MACROD2: variants seen among roughly 807,000 people sequenced by gnomAD.
MACROD2 encodes the protein ADP-ribose glycohydrolase MACROD2.
Under a neutral mutation model 70.4 loss-of-function variants are expected in MACROD2, and 36 were observed. The observed-to-expected ratio is 0.51, with a 90% CI of 0.39 to 0.68. The LOEUF (loss-of-function observed/expected upper bound fraction) is 0.68. Ranked by LOEUF, MACROD2 falls within the 30% of genes least tolerant of loss-of-function variation. The pLI is 0.00. For synonymous variants in MACROD2, 172 were observed against 178.8 expected (o/e 0.96, Z 0.30); for missense variants, 496 against 538.4 (o/e 0.92, Z 0.78).
intron 3 of MACROD2, among the ~76,000 whole-genome samples, chr20:14,397,059 A>G (rs917981307): frequency 4.1e-5 from 6 of 144,852 alleles, no homozygotes; most frequent in Admixed American, 7.0e-5. Context: ...CAGTGGCGCA[A>G]TCTCGGCTCA....
intron 5 of MACROD2, among the ~76,000 whole-genome samples, chr20:14,786,019 A>G (rs1308262068): frequency 6.6e-6 from 1 of 152,126 alleles, no homozygotes; most frequent in Non-Finnish European, 1.5e-5. Flanking sequence ...AATGCATATT[A>G]TAAAAAGAAG....
chr20:15,190,442 G>A (rs936125451), intron 5 of MACROD2, among the ~76,000 whole-genome samples: 25 of 152,250 alleles, frequency 1.6e-4, no homozygotes, highest in African/African-American at 5.8e-4. Context: ...CTCCTCTGTA[G>A]AATTACCTCT....
At chr20:15,599,744 C>G (rs1019442548) in intron 8 of MACROD2, among the ~76,000 whole-genome samples, 1 of 152,176 alleles carries the variant, frequency 6.6e-6, no homozygotes, top group Non-Finnish European at 1.5e-5. Context: ...AGTTTACACA[C>G]AGAAACACGC....
In MACROD2 at chr20:14,947,570, C is replaced by G. The variant is rs971222601; in HGVS notation, c.418+262611C>G. Among the ~76,000 whole-genome samples, 10 of 152,146 alleles carry G rather than the reference C, an allele frequency of 6.6e-5. 1 individual carries two copies. Among genetic ancestry groups the G allele is most frequent in the Admixed American group, 5.2e-4 (8 of 15,272 alleles). ...TGGTGCTAAGGCATTTGTGCTAAGA[C>G]AGTGGGGCTCAAATTTGAGTGTGCA... is the stretch of plus-strand genomic sequence containing the variant. On this transcript the variant is annotated intron_variant, in intron 5 of 17. Coordinates refer to ENST00000684519, the MANE Select transcript of MACROD2 (RefSeq NM_001351661.2).
intron 8 of MACROD2, among the ~76,000 whole-genome samples, chr20:15,545,980 C>T (rs768824456): frequency 2.0e-5 from 3 of 152,166 alleles, no homozygotes; most frequent in Non-Finnish European, 4.4e-5. Flanking sequence ...GACAGCTGGG[C>T]ACGATGGCTC....
chr20:15,582,070 C>T (rs1600626710), intron 8 of MACROD2, among the ~76,000 whole-genome samples: 2 of 151,244 alleles, frequency 1.3e-5, no homozygotes, highest in East Asian at 1.9e-4. Flanking sequence ...TGCACTGAGC[C>T]GAGATCATGC....
chr20:14,533,362 C>A (rs1222008298), intron 4 of MACROD2, among the ~76,000 whole-genome samples: 1 of 152,162 alleles, frequency 6.6e-6, no homozygotes, highest in Non-Finnish European at 1.5e-5. Flanking sequence ...TATCTTTAAA[C>A]CTCAGTTAGT....
At chr20:14,399,883 T>C (rs2083619424) in intron 3 of MACROD2, among the ~76,000 whole-genome samples, 1 of 152,204 alleles carries the variant, frequency 6.6e-6, no homozygotes, top group Non-Finnish European at 1.5e-5. Context: ...TCTTTAAATG[T>C]CATATATTGT....
intron 6 of MACROD2, among the ~76,000 whole-genome samples, chr20:15,267,468 C>T (rs1269066847): frequency 2.0e-5 from 3 of 152,088 alleles, no homozygotes; most frequent in Non-Finnish European, 4.4e-5. Context: ...GATAGGAGCT[C>T]AAAACCTTTG....
rs542375931 is a variant in MACROD2, at chr20:14,346,460, C to T, written c.272-147019C>T. 7.9e-5 allele frequency among the ~76,000 whole-genome samples: 12 copies of T among 152,266 alleles called. No individual in the cohort carries two copies. The South Asian group carries it at 2.5e-3, about 32-fold the overall frequency. On this transcript the variant is annotated intron_variant, in intron 3 of 17. Transcript: ENST00000684519. ...CTGAACAAAGAACAGATATTACCAT[C>T]TCCATTCTAATATAGCTGATTTCTA...
intron 5 of MACROD2, among the ~76,000 whole-genome samples, chr20:14,896,887 C>A (rs912392370): frequency 6.6e-6 from 1 of 151,988 alleles, no homozygotes; most frequent in East Asian, 1.9e-4. Flanking sequence ...CTACAGTAAC[C>A]AGGTAATTAT....
At position 15,000,496 on chromosome 20, in the gene MACROD2, G is replaced by A. The variant is rs563037618; in HGVS notation, c.419-229444G>A. On this transcript the variant is annotated intron_variant, in intron 5 of 17. Transcript: ENST00000684519. ...AAATTAGCCGGGCGCGGTGGCGGGC[G>A]CCTGTAGTCCCAGCTACTGGGGAGG... Among the ~76,000 whole-genome samples, 14 of 144,542 alleles carry A rather than the reference G, an allele frequency of 9.7e-5. 1 individual carries two copies. Among genetic ancestry groups the A allele is most frequent in the East Asian group, 2.0e-4 (1 of 5,116 alleles). The allele number at this position is 144,542 out of a possible 152,430, so 94.8% of individuals were successfully genotyped here. A position where few individuals can be genotyped will look rare whatever the true frequency, so the allele number is the denominator to read the frequency against.
At chr20:14,860,121 A>T (rs1008585046) in intron 5 of MACROD2, among the ~76,000 whole-genome samples, 4 of 152,182 alleles carry the variant, frequency 2.6e-5, no homozygotes, top group African/African-American at 9.7e-5. Flanking sequence ...TCATAGCAGG[A>T]GGGAGACCAT....
At chr20:14,922,772 A>G (rs2074179371) in intron 5 of MACROD2, among the ~76,000 whole-genome samples, 1 of 152,180 alleles carries the variant, frequency 6.6e-6, no homozygotes, top group Admixed American at 6.5e-5. Flanking sequence ...AAATCACTGA[A>G]CTACATATCT....
rs532255964 is a variant in MACROD2, at chr20:15,226,240, C to A, written c.419-3700C>A. Among the ~76,000 whole-genome samples the A allele has an allele frequency of 1.1e-4, 16 of 152,252 alleles. No homozygotes were observed. The South Asian group carries it at 3.3e-3, about 32-fold the overall frequency. ...TTAGTGACAGATCTGGGACTTACAA[C>A]CTGTAGTCAGATCTTAGGATTGGTG... On this transcript the variant is annotated intron_variant, in intron 5 of 17. Transcript: ENST00000684519.
In MACROD2 at chr20:14,013,418, G is replaced by A. The variant is rs577841669; in HGVS notation, c.163+11014G>A. Among the ~76,000 whole-genome samples, 4 of 151,752 alleles carry A rather than the reference G, an allele frequency of 2.6e-5. No homozygotes were observed. In the South Asian group the frequency reaches 8.4e-4, roughly 32 times the overall value. On this transcript the variant is annotated intron_variant, in intron 2 of 17. Transcript: ENST00000684519. ...CTCCCGAGTAGCTAGGACTACAGGT[G>A]CCCGCCACCATGCCCGGCTAATTTT... is the stretch of plus-strand genomic sequence containing the variant.
At position 15,517,327 on chromosome 20, in the gene MACROD2, C is replaced by T. The variant is rs1396135715; in HGVS notation, c.645+17480C>T. ...TCACACTGACTTCTTTTATTCAGGT[C>T]TTATCTCACACAGCACCTCTTCACA... On this transcript the variant is annotated intron_variant, in intron 8 of 17. Transcript: ENST00000684519. Among the ~76,000 whole-genome samples, 3 of 152,304 alleles carry T rather than the reference C, an allele frequency of 2.0e-5. No individual in the cohort carries two copies. In the East Asian group the frequency reaches 5.8e-4, roughly 29 times the overall value.
chr20:14,886,470 G>A (rs1298935453), intron 5 of MACROD2, among the ~76,000 whole-genome samples: 2 of 152,156 alleles, frequency 1.3e-5, no homozygotes, highest in South Asian at 2.1e-4. Flanking sequence ...TTGAGAAGAG[G>A]AGTGACCTGC....
chr20:14,467,656 G>A (rs934060211), intron 3 of MACROD2, among the ~76,000 whole-genome samples: 1 of 151,860 alleles, frequency 6.6e-6, no homozygotes, highest in African/African-American at 2.4e-5. Flanking sequence ...GTTTCTATTC[G>A]GCTATCTTGG....
Sources: allele counts gnomAD v4.1 joint callset (sites outside exome capture counted in the v4.1 genomes callset), GRCh38; gene constraint gnomAD v4.1.1; transcripts MANE v1.5; gene names NCBI Gene and HGNC (gene_info 2026-07-23, HGNC 2026-07-21).